ATP9B: variants seen among roughly 807,000 people sequenced by gnomAD.
The protein encoded by ATP9B is probable phospholipid-transporting ATPase IIB.
ATP9B carries 110 observed loss-of-function variants against 146.1 expected under a neutral mutation model. The observed-to-expected ratio is 0.75, with a 90% confidence interval of 0.65 to 0.88. The LOEUF is 0.88. Among genes scored for constraint, ATP9B ranks in the 40% least tolerant of loss-of-function variants. ATP9B has a pLI of 0.00. For missense variants in ATP9B, 1,499 were observed against 1,496.4 expected (o/e 1.00, Z -0.03); for synonymous variants, 604 against 569.7 (o/e 1.06, Z -0.86).
chr18:79,143,955 A>G (rs1202047551), intron 6 of ATP9B, 95 bp downstream of exon 6: 1 of 711,914 alleles, frequency 1.4e-6, no homozygotes, highest in Non-Finnish European at 2.2e-6. Flanking sequence ...AGAAATTGAG[A>G]CATGTATTTT....
Position 79,093,347 on chromosome 18 carries a change from G to A in ATP9B, c.120-3129G>A, listed in dbSNP as rs73484043. On this transcript the variant is annotated intron_variant, in intron 1 of 29. Coordinates refer to ENST00000426216, the MANE Select transcript of ATP9B (RefSeq NM_198531.5). ...CTGCTTTCACAGTTCTTTTCTTTTA[G>A]CACTTCAAACATCAAGTTCCACTGT... is the stretch of plus-strand genomic sequence containing the variant. Among the ~76,000 whole-genome samples, 1,338 of 152,048 alleles carry A rather than the reference G, an allele frequency of 8.8e-3. 19 individuals carry two copies. Among genetic ancestry groups the A allele is most frequent in the African/African-American group, 0.029 (1,217 of 41,502 alleles).
intron 26 of ATP9B, among the ~76,000 whole-genome samples, chr18:79,366,373 G>T (rs1244858825): frequency 6.6e-6 from 1 of 152,224 alleles, no homozygotes; most frequent in Admixed American, 6.5e-5. Context: ...GAAGAAAGGA[G>T]CTCTTTTCAG....
intron 1 of ATP9B, among the ~76,000 whole-genome samples, chr18:79,081,920 G>A (rs2073305665): frequency 6.6e-6 from 1 of 152,034 alleles, no homozygotes; most frequent in Admixed American, 6.5e-5. Flanking sequence ...TCTTTGTGGT[G>A]TTCTCTGTAT....
intron 14 of ATP9B, among the ~76,000 whole-genome samples, chr18:79,305,644 T>G (rs1182094304): frequency 6.6e-6 from 1 of 152,158 alleles, no homozygotes; most frequent in Non-Finnish European, 1.5e-5. Flanking sequence ...TAGCTTCAAA[T>G]AAGTTATTAG....
At chr18:79,134,290 G>T (rs1157084065) in intron 5 of ATP9B, among the ~76,000 whole-genome samples, 2 of 152,170 alleles carry the variant, frequency 1.3e-5, no homozygotes, top group African/African-American at 4.8e-5. Context: ...TTTATTAAAA[G>T]ATTATCTTAG....
At chr18:79,237,692 G>C (rs117605991) in intron 11 of ATP9B, among the ~76,000 whole-genome samples, 3 of 128,934 alleles carry the variant, frequency 2.3e-5, no homozygotes, top group Non-Finnish European at 4.8e-5. Flanking sequence ...TTTTTTTTGG[G>C]GGGGGGTGGG....
At chr18:79,281,843 G>A (rs957068023) in intron 13 of ATP9B, among the ~76,000 whole-genome samples, 1 of 152,200 alleles carries the variant, frequency 6.6e-6, no homozygotes, top group South Asian at 2.1e-4. Flanking sequence ...GACCAACATG[G>A]TGAAACCCTG....
rs1220515999 is a variant in ATP9B at position 79,330,429 on chromosome 18, T to TA, written c.2028+325_2028+326insA. ...TTATAAATAGTTTACCCTTTTTTTTTTTTTTGAGACAGACACACTGTCACC... is the reference window on the plus strand; with the variant it reads ...TTATAAATAGTTTACCCTTTTTTTTTATTTTTGAGACAGACACACTGTCACC... On this transcript the variant is annotated intron_variant, in intron 17 of 29. Transcript: ENST00000426216. Among the ~76,000 whole-genome samples the TA allele has an allele frequency of 3.9e-5, 6 of 152,148 alleles. No individual in the cohort carries two copies. In the East Asian group the frequency reaches 1.2e-3, roughly 29 times the overall value.
At chr18:79,206,328 T>A (rs1018558784) in intron 9 of ATP9B, among the ~76,000 whole-genome samples, 1 of 152,206 alleles carries the variant, frequency 6.6e-6, no homozygotes, top group Non-Finnish European at 1.5e-5. Context: ...AGAAGCATTT[T>A]CTCTGTCGTG....
At chr18:79,337,137 C>T in intron 18 of ATP9B, 142 bp from the exon 19 acceptor site, 2 of 1,162,452 alleles carry the variant, frequency 1.7e-6, no homozygotes, top group Non-Finnish European at 2.5e-6. Context: ...CAGTCCAGCT[C>T]TGTGGAGTAC....
At chr18:79,329,354 C>G in intron 16 of ATP9B, 52 bp downstream of exon 16, 9 of 1,473,146 alleles carry the variant, frequency 6.1e-6, no homozygotes, top group Non-Finnish European at 8.1e-6. Context: ...TTTGTTTTCA[C>G]ACCTTTTAAA....
intron 14 of ATP9B, among the ~76,000 whole-genome samples, chr18:79,304,359 T>A (rs1360502760): frequency 1.3e-5 from 2 of 152,230 alleles, no homozygotes; most frequent in Non-Finnish European, 1.5e-5. Flanking sequence ...AGGTTGAGTA[T>A]CCCTTATTCA....
chr18:79,181,011 A>G (rs893653704), intron 8 of ATP9B, among the ~76,000 whole-genome samples: 7 of 150,044 alleles, frequency 4.7e-5, no homozygotes, highest in African/African-American at 1.7e-4. Context: ...GGGTTTCACC[A>G]TGTTGGCCAA....
intron 10 of ATP9B, 62 bp downstream of exon 10, chr18:79,207,074 C>T (rs1419259085): frequency 1.3e-6 from 2 of 1,497,844 alleles, no homozygotes; most frequent in African/African-American, 1.4e-5. Flanking sequence ...TTGTTTTGTC[C>T]AGGGACTCCA....
intron 19 of ATP9B, among the ~76,000 whole-genome samples, chr18:79,338,067 G>C (rs547674881): frequency 6.6e-6 from 1 of 152,240 alleles, no homozygotes; most frequent in Non-Finnish European, 1.5e-5. Flanking sequence ...CGGTTAAATT[G>C]TGCCACATTT....
At chr18:79,256,259 A>C (rs201981331) in intron 12 of ATP9B, among the ~76,000 whole-genome samples, 1,334 of 50,498 alleles carry the variant, frequency 0.026, 81 homozygotes, top group Admixed American at 0.17. Context: ...CTAGCTAGCT[A>C]TATATATATA....
intron 8 of ATP9B, among the ~76,000 whole-genome samples, chr18:79,191,424 C>A (rs903413349): frequency 6.6e-6 from 1 of 152,156 alleles, no homozygotes; most frequent in African/African-American, 2.4e-5. Context: ...TTTTCATCCT[C>A]TCTCTGTCCA....
intron 12 of ATP9B, among the ~76,000 whole-genome samples, chr18:79,262,591 T>G (rs960922730): frequency 2.0e-5 from 3 of 152,184 alleles, no homozygotes; most frequent in African/African-American, 7.2e-5. Context: ...TTGAAACATT[T>G]CTATGATGAA....
chr18:79,140,827 G>C (rs535347049), intron 5 of ATP9B, among the ~76,000 whole-genome samples: 1 of 152,228 alleles, frequency 6.6e-6, no homozygotes, highest in African/African-American at 2.4e-5. Flanking sequence ...TATACATTTG[G>C]ATCTTTCTCA....
Sources: gnomAD v4.1 joint callset for allele counts (sites outside exome capture counted in the v4.1 genomes callset) on GRCh38, gnomAD v4.1.1 for gene constraint, MANE v1.5 for transcripts, NCBI Gene and HGNC (gene_info 2026-07-23, HGNC 2026-07-21) for gene names.